CACNA2D3: variants seen among roughly 807,000 people sequenced by gnomAD.
CACNA2D3 encodes calcium voltage-gated channel auxiliary subunit alpha2delta 3, also known as voltage-dependent calcium channel subunit alpha-2/delta-3.
CACNA2D3 carries 60 observed loss-of-function variants against 160.6 expected under a neutral mutation model. The observed-to-expected ratio is 0.37, with a 90% CI of 0.30 to 0.46. The LOEUF is 0.46. Ranked by LOEUF, CACNA2D3 falls within the 20% of genes least tolerant of loss-of-function variation. The pLI, the probability that CACNA2D3 is intolerant of heterozygous loss-of-function variation, is 1.00. For missense variants in CACNA2D3, 1,205 were observed against 1,365.0 expected, an observed-to-expected ratio of 0.88 and a Z score of 1.85; for synonymous variants, 558 against 492.9, an observed-to-expected ratio of 1.13 and a Z score of -1.75.
intron 16 of CACNA2D3, among the ~76,000 whole-genome samples, chr3:54,842,438 C>T (rs753956769): frequency 4.6e-5 from 7 of 152,170 alleles, no homozygotes; most frequent in Non-Finnish European, 7.3e-5. Context: ...CAAACTGTAA[C>T]TGAATGCCTG....
chr3:54,475,165 C>T (rs1700807089), intron 4 of CACNA2D3, among the ~76,000 whole-genome samples: 1 of 152,122 alleles, frequency 6.6e-6, no homozygotes. Flanking sequence ...AGACTAAAGG[C>T]TGAGGGTGTG....
rs574233240 is a variant in CACNA2D3 at position 54,488,022 on chromosome 3, T to C, written c.382-15470T>C. On this transcript the variant is annotated intron_variant, in intron 4 of 37. Transcript: ENST00000474759. The stretch of plus-strand genomic sequence containing the variant: ...TGGAGCCAGCATTTGTGCTAAGACC[T>C]GAAGCCACCCATACAAAGGTCTTAG... 3.7e-4 allele frequency among the ~76,000 whole-genome samples: 56 copies of C among 152,320 alleles called. No homozygotes were observed. In the South Asian group the frequency reaches 0.011, roughly 31 times the overall value.
At chr3:54,316,418 A>G (rs1000077436) in intron 2 of CACNA2D3, among the ~76,000 whole-genome samples, 2 of 152,224 alleles carry the variant, frequency 1.3e-5, no homozygotes, top group Admixed American at 6.5e-5. Flanking sequence ...GTAAGGCATT[A>G]TATTTTTCTA....
chr3:54,800,144 A>AT (rs1322120663), intron 13 of CACNA2D3, among the ~76,000 whole-genome samples: 1 of 152,214 alleles, frequency 6.6e-6, no homozygotes, highest in African/African-American at 2.4e-5. Context: ...GTGGCTTTGC[A>AT]TCCTGTTTGG....
Position 54,909,102 on chromosome 3 carries a change from G to A in CACNA2D3, c.2449+9234G>A, listed in dbSNP as rs566215126. Among the ~76,000 whole-genome samples, 12 of 152,276 alleles carry A rather than the reference G, an allele frequency of 7.9e-5. No homozygotes were observed. The South Asian group carries it at 1.9e-3, about 24-fold the overall frequency. On this transcript the variant is annotated intron_variant, in intron 27 of 37. Transcript: ENST00000474759. ...CTTTGTGTATCAGAGGTTGTGCATC[G>A]GTAGTGCCTAATGTTTTTGTCTGTG... is the stretch of plus-strand genomic sequence containing the variant.
At chr3:54,154,536 C>CG (rs1055389723) in intron 2 of CACNA2D3, among the ~76,000 whole-genome samples, 11 of 152,008 alleles carry the variant, frequency 7.2e-5, no homozygotes, top group Non-Finnish European at 1.6e-4. Flanking sequence ...TTTTTCCCCC[C>CG]CGAATGATTA....
rs1204231097 is a variant in CACNA2D3 at position 54,402,424 on chromosome 3, G to A, written c.381+15650G>A. 2.0e-5 allele frequency among the ~76,000 whole-genome samples: 3 copies of A among 152,114 alleles called. No individual in the cohort carries two copies. In the East Asian group the frequency reaches 5.8e-4, roughly 29 times the overall value. On this transcript the variant is annotated intron_variant, in intron 4 of 37. Coordinates refer to ENST00000474759, the MANE Select transcript of CACNA2D3 (RefSeq NM_018398.3). Reference sequence around the variant, plus strand: ...CCTTAAGGACACACATAGGCTGAAAGTAAAGGAATGGAAGAAGATATTGCA... The same window carrying A: ...CCTTAAGGACACACATAGGCTGAAAATAAAGGAATGGAAGAAGATATTGCA...
intron 34 of CACNA2D3, among the ~76,000 whole-genome samples, chr3:55,017,976 A>G (rs1456274270): frequency 6.6e-6 from 1 of 152,214 alleles, no homozygotes; most frequent in East Asian, 1.9e-4. Context: ...CTTGTGATGC[A>G]TAAATGATAG....
chr3:54,238,143 T>TG (rs1413989878), intron 2 of CACNA2D3, among the ~76,000 whole-genome samples: 1 of 152,244 alleles, frequency 6.6e-6, no homozygotes, highest in African/African-American at 2.4e-5. Flanking sequence ...GTCCCCACAT[T>TG]GTCTGTAGCA....
intron 4 of CACNA2D3, among the ~76,000 whole-genome samples, chr3:54,471,108 T>C (rs1300839211): frequency 6.6e-6 from 1 of 152,184 alleles, no homozygotes; most frequent in Admixed American, 6.5e-5. Context: ...AGAATGTACA[T>C]CCTTCTCAGC....
At chr3:54,485,659 G>A (rs751575527) in intron 4 of CACNA2D3, among the ~76,000 whole-genome samples, 106 of 152,034 alleles carry the variant, frequency 7.0e-4, no homozygotes, top group African/African-American at 2.5e-3. Context: ...CATCTCCTGG[G>A]TTCAAGCAAT....
chr3:54,751,609 A>G (rs1701858197), intron 11 of CACNA2D3, among the ~76,000 whole-genome samples: 1 of 152,222 alleles, frequency 6.6e-6, no homozygotes, highest in Non-Finnish European at 1.5e-5. Flanking sequence ...CCAGCTACAC[A>G]AAATGCTAGC....
chr3:54,198,556 T>G (rs1701121605), intron 2 of CACNA2D3, among the ~76,000 whole-genome samples: 1 of 152,264 alleles, frequency 6.6e-6, no homozygotes, highest in African/African-American at 2.4e-5. Context: ...GTTTGGACAA[T>G]GAAATTAAAT....
At chr3:55,019,450 T>C (rs750731130) in intron 35 of CACNA2D3, among the ~76,000 whole-genome samples, 19 of 152,136 alleles carry the variant, frequency 1.2e-4, no homozygotes, top group Non-Finnish European at 1.3e-4. Flanking sequence ...TTTAGTTATA[T>C]GCCTTTTCTA....
chr3:54,682,019 T>C (rs1700360320), intron 11 of CACNA2D3, among the ~76,000 whole-genome samples: 1 of 151,946 alleles, frequency 6.6e-6, no homozygotes, highest in Non-Finnish European at 1.5e-5. Context: ...ACAACTTAGG[T>C]TCAGAGAAAA....
At chr3:55,018,916 C>G (rs2107158656) in intron 35 of CACNA2D3, among the ~76,000 whole-genome samples, 1 of 145,982 alleles carries the variant, frequency 6.9e-6, no homozygotes, top group Admixed American at 6.8e-5. Flanking sequence ...GTGGGTCTTC[C>G]TATTGTATGG....
intron 4 of CACNA2D3, among the ~76,000 whole-genome samples, chr3:54,496,786 A>G (rs1701210215): frequency 6.6e-6 from 1 of 152,140 alleles, no homozygotes; most frequent in Non-Finnish European, 1.5e-5. Flanking sequence ...TAAGTCTGTC[A>G]TCCATCTCAA....
intron 4 of CACNA2D3, among the ~76,000 whole-genome samples, chr3:54,401,385 G>T (rs1699460893): frequency 6.6e-6 from 1 of 152,192 alleles, no homozygotes; most frequent in Admixed American, 6.5e-5. Flanking sequence ...TGGACATCCA[G>T]ATCTGTGAAA....
At chr3:54,444,977 C>A (rs1308228388) in intron 4 of CACNA2D3, among the ~76,000 whole-genome samples, 1 of 152,238 alleles carries the variant, frequency 6.6e-6, no homozygotes, top group Non-Finnish European at 1.5e-5. Flanking sequence ...TCCCAACCCC[C>A]TTAAACAGAG....
Sources: allele counts gnomAD v4.1 joint callset (sites outside exome capture counted in the v4.1 genomes callset), GRCh38; gene constraint gnomAD v4.1.1; transcripts MANE v1.5; gene names NCBI Gene and HGNC (gene_info 2026-07-23, HGNC 2026-07-21).